ZDHHC6: variants seen among roughly 807,000 people sequenced by gnomAD.
ZDHHC6 encodes the protein zDHHC palmitoyltransferase 6, also known as palmitoyltransferase ZDHHC6.
A neutral mutation model predicts 57.8 loss-of-function variants in ZDHHC6; 32 were observed. That is an observed-to-expected ratio of 0.55 (90% confidence interval 0.42 to 0.74). The LOEUF (loss-of-function observed/expected upper bound fraction) is 0.74, where lower values mean the gene tolerates loss of function less well. Among genes scored for constraint, ZDHHC6 ranks in the 30% least tolerant of loss-of-function variants. The probability of loss-of-function intolerance (pLI) is 0.00; values close to 1 mark genes in which losing one functional copy is unlikely to be tolerated. For synonymous variants in ZDHHC6, 128 were observed against 158.0 expected (o/e 0.81, Z 1.42); for missense variants, 433 against 500.7 (o/e 0.86, Z 1.29).
chr10:112,425,845 A>G (rs1020890742), downstream of ZDHHC6, among the ~76,000 whole-genome samples: 1 of 151,550 alleles, frequency 6.6e-6, no homozygotes, highest in Non-Finnish European at 1.5e-5. Context: ...ATATATATAA[A>G]GCAACAAACA....
At chr10:112,444,117 C>T (rs1047374998) in intron 2 of ZDHHC6, among the ~76,000 whole-genome samples, 3 of 152,176 alleles carry the variant, frequency 2.0e-5, no homozygotes, top group Non-Finnish European at 4.4e-5. Context: ...CTGACTGTGT[C>T]AGACTCTGCC....
chr10:112,425,902 G>C (rs145877511), downstream of ZDHHC6, among the ~76,000 whole-genome samples: 1 of 152,088 alleles, frequency 6.6e-6, no homozygotes, highest in Non-Finnish European at 1.5e-5. Context: ...ATGCTTAAAC[G>C]TAGCTTTAAG....
chr10:112,426,573 G>A, downstream of ZDHHC6: 1 of 617,734 alleles, frequency 1.6e-6, no homozygotes, highest in Non-Finnish European at 2.8e-6. Flanking sequence ...TGGGAAAGAA[G>A]AGTAAAAATG....
upstream of ZDHHC6, chr10:112,447,208 T>C (rs1448114346): frequency 4.7e-6 from 3 of 632,508 alleles, no homozygotes; most frequent in African/African-American, 3.6e-5. Flanking sequence ...AGAACCGAGA[T>C]TGCGACGAAC....
exon 12 of ZDHHC6, chr10:112,424,787 A>C (rs1844606288): frequency 6.6e-6 from 1 of 152,246 alleles, no homozygotes; most frequent in Non-Finnish European, 1.5e-5. Context: ...TGAAGCTGCA[A>C]ATGACCTTTG....
rs1416207712 is a variant in ZDHHC6, at chr10:112,430,724, T to C, written c.*80A>G. On this transcript the variant is annotated 3_prime_UTR_variant, in exon 11 of 11. Coordinates refer to ENST00000369405, the MANE Select transcript of ZDHHC6 (RefSeq NM_022494.3). The stretch of plus-strand genomic sequence containing the variant: ...AAAGAACATCTTAACCAGAGTAGGC[T>C]CATTGCATAATTCTTTAGTAATATG... 8.1e-7 allele frequency: 1 copy of C among 1,238,952 alleles called. No homozygotes were observed. The highest frequency in any genetic ancestry group is 1.1e-6 in the Non-Finnish European group (1 of 872,640). The allele number at this position is 1,238,952 out of a possible 1,614,324, so 76.7% of individuals were successfully genotyped here.
At chr10:112,447,384 A>G (rs761756569), upstream of ZDHHC6, 1 of 1,613,394 alleles carries the variant, frequency 6.2e-7, no homozygotes, top group South Asian at 1.1e-5. Context: ...ATGTCGTCCG[A>G]CTTCGAAGGT....
At chr10:112,426,692 A>C, downstream of ZDHHC6, 1 of 1,062,688 alleles carries the variant, frequency 9.4e-7, no homozygotes, top group East Asian at 2.4e-5. Context: ...CTGCTTTCAT[A>C]CTGCATGGCT....
At chr10:112,445,089 G>C (rs1846517527) in intron 2 of ZDHHC6, 81 bp downstream of exon 2, 1 of 1,456,718 alleles carries the variant, frequency 6.9e-7, no homozygotes, top group African/African-American at 1.4e-5. Context: ...GGCTGTGTTT[G>C]GTATTATTGG....
chr10:112,445,286 T>C lies in ZDHHC6; in HGVS notation c.151A>G (p.Thr51Ala). 6.2e-7 allele frequency: 1 copy of C among 1,614,226 alleles called. No homozygotes were observed. Among genetic ancestry groups the C allele is most frequent in the Non-Finnish European group, 8.5e-7 (1 of 1,180,042 alleles). Residue 51 changes from threonine to alanine, a missense_variant, in exon 2 of 11, where the codon ACA becomes GCA. Coordinates refer to ENST00000369405, the MANE Select transcript of ZDHHC6 (RefSeq NM_022494.3). ...DSVLWYWPLH[T>A]TGGSVNFIML... is the part of the protein sequence containing the mutation. ...ATGAAATTCACACTTCCTCCAGTTGTATGTAAGGGCCAATACCACAACACA... is the reference window on the plus strand; with the variant it reads ...ATGAAATTCACACTTCCTCCAGTTGCATGTAAGGGCCAATACCACAACACA...
At chr10:112,431,315 C>A (rs1845010304) in intron 10 of ZDHHC6, among the ~76,000 whole-genome samples, 1 of 151,100 alleles carries the variant, frequency 6.6e-6, no homozygotes, top group Admixed American at 6.6e-5. Context: ...ATATATATTT[C>A]TTTCTTTTTT....
chr10:112,434,343 CCA>C lies in ZDHHC6; in HGVS notation c.855_856del (p.Asp285GlufsTer3), dbSNP rs768399725. ...GCCTTCTCTTACTGGCCACTCAAGT[CCA>C]TCTCCTTCAGGGACCCCTGACCACG... On this transcript the variant is annotated frameshift_variant, in exon 7 of 11. Transcript: ENST00000369405. LOFTEE classifies it high-confidence loss of function. 9 of 1,613,576 alleles carry C rather than the reference CCA, an allele frequency of 5.6e-6. No individual in the cohort carries two copies. Among genetic ancestry groups the C allele is most frequent in the Non-Finnish European group, 7.6e-6 (9 of 1,179,744 alleles).
Position 112,445,182 on chromosome 10 carries a change from CA to C in ZDHHC6, c.254del (p.Leu85ArgfsTer38), listed in dbSNP as rs1589759495. On this transcript the variant is annotated frameshift_variant, in exon 2 of 11. Coordinates refer to ENST00000369405, the MANE Select transcript of ZDHHC6 (RefSeq NM_022494.3). LOFTEE classifies it high-confidence loss of function. Reference protein sequence around the residue: ...AMFVGPGFVPLGWKPEISQDT... With the variant: ...AMFVGPGFVPXGWKPEISQDT... ...GAATCTTTCTTACCGGTTTCCACCC[CA>C]GAGGGACAAAGCCCGGACCGACAAA... 5 of 1,612,628 alleles carry C rather than the reference CA, an allele frequency of 3.1e-6. No individual in the cohort carries two copies. Among genetic ancestry groups the C allele is most frequent in the Non-Finnish European group, 4.2e-6 (5 of 1,178,814 alleles).
At chr10:112,425,175 C>T in exon 12 of ZDHHC6, 1 of 572,056 alleles carries the variant, frequency 1.7e-6, no homozygotes, top group Non-Finnish European at 3.0e-6. Flanking sequence ...CACGATGCTT[C>T]CCTCCCCTTT....
downstream of ZDHHC6, chr10:112,426,803 A>G (rs756181515): frequency 6.2e-7 from 1 of 1,614,038 alleles, no homozygotes; most frequent in Non-Finnish European, 8.5e-7. Context: ...AAGGGAAGCC[A>G]TTTTAGAAGA....
chr10:112,442,276 T>C lies in ZDHHC6; in HGVS notation c.435A>G (p.Thr145=). 1 of 1,614,048 alleles carries C rather than the reference T, an allele frequency of 6.2e-7. No individual in the cohort carries two copies. The highest frequency in any genetic ancestry group is 1.1e-5 in the South Asian group (1 of 91,074). ...CCGYQNHASF[T]LFLLLAPLGC... is the part of the protein sequence containing the mutation. ...CCAGTGGTGCTAAAAGGAGAAACAG[T>C]GTGAACGAAGCATGATTTTGGTAAC... The change falls in exon 4 of 11, where the codon ACA becomes ACG. Residue 145 remains threonine, a synonymous_variant. Transcript: ENST00000369405.
chr10:112,447,044 G>A (rs77198664), upstream of ZDHHC6: 21 of 292,862 alleles, frequency 7.2e-5, no homozygotes, highest in Non-Finnish European at 9.3e-5. Flanking sequence ...AGAACACGAA[G>A]GGGGGAAAAA....
intron 6 of ZDHHC6, among the ~76,000 whole-genome samples, chr10:112,435,591 C>A (rs1845450774): frequency 6.6e-6 from 1 of 152,090 alleles, no homozygotes; most frequent in Non-Finnish European, 1.5e-5. Flanking sequence ...GAAAATGTTG[C>A]AATTATTTGT....
rs1845597255 is a variant in ZDHHC6, at chr10:112,436,977, T to G, written c.735+1359A>C. ...GCCAGCTTTTTTAATGTAACACTATTCTTATTTGAAAGAATGAGTAATATA... is the reference window on the plus strand; with the variant it reads ...GCCAGCTTTTTTAATGTAACACTATGCTTATTTGAAAGAATGAGTAATATA... On this transcript the variant is annotated intron_variant, in intron 6 of 10. Coordinates refer to ENST00000369405, the MANE Select transcript of ZDHHC6 (RefSeq NM_022494.3). 3.3e-5 allele frequency among the ~76,000 whole-genome samples: 5 copies of G among 152,338 alleles called. No individual in the cohort carries two copies. The South Asian group carries it at 1.0e-3, about 32-fold the overall frequency.
Sources: gnomAD v4.1 joint callset for allele counts (sites outside exome capture counted in the v4.1 genomes callset) on GRCh38, gnomAD v4.1.1 for gene constraint, MANE v1.5 for transcripts, NCBI Gene and HGNC (gene_info 2026-07-23, HGNC 2026-07-21) for gene names.